MCF2L: variants seen among roughly 807,000 people sequenced by gnomAD.
The protein encoded by MCF2L is MCF.2 cell line derived transforming sequence like.
In MCF2L, 97 loss-of-function variants were observed where a neutral mutation model predicts 153.4. The observed-to-expected ratio is 0.63, with a 90% confidence interval of 0.54 to 0.75. MCF2L has a LOEUF of 0.75. Ranked by LOEUF, MCF2L falls within the 30% of genes least tolerant of loss-of-function variation. The pLI, the probability that MCF2L is intolerant of heterozygous loss-of-function variation, is 0.00. For synonymous variants in MCF2L, 659 were observed against 632.2 expected (o/e 1.04, Z -0.64); for missense variants, 1,347 against 1,495.2 (o/e 0.90, Z 1.64).
intron 3 of MCF2L, among the ~76,000 whole-genome samples, chr13:113,036,636 C>T (rs968569981): frequency 5.3e-5 from 8 of 152,258 alleles, no homozygotes; most frequent in Non-Finnish European, 1.0e-4. Flanking sequence ...CCCCGCATCC[C>T]CAGGAGTGCG....
chr13:112,940,088 G>C (rs956817286), intron 2 of MCF2L, among the ~76,000 whole-genome samples: 2 of 152,090 alleles, frequency 1.3e-5, no homozygotes, highest in Admixed American at 6.5e-5. Flanking sequence ...TTATACAACG[G>C]GGGGTGGGGG....
At chr13:113,077,784 C>T (rs543436384) in intron 13 of MCF2L, among the ~76,000 whole-genome samples, 15 of 152,316 alleles carry the variant, frequency 9.8e-5, no homozygotes, top group South Asian at 6.2e-4. Flanking sequence ...TGTCTCAAAA[C>T]GAACCCTCTT....
At chr13:113,095,370 C>T in intron 27 of MCF2L, 1 of 1,131,762 alleles carries the variant, frequency 8.8e-7, no homozygotes, top group Non-Finnish European at 1.1e-6. Context: ...CCCACAGAGA[C>T]AGCATGAAGG....
At chr13:113,090,735 G>T (rs553901484) in intron 26 of MCF2L, 2 of 985,352 alleles carry the variant, frequency 2.0e-6, no homozygotes, top group African/African-American at 1.7e-5. Context: ...CGTGGACAAG[G>T]GCTCTTTCCA....
rs1475852786 is a variant in MCF2L at position 113,028,868 on chromosome 13, G to A, written c.278+4110G>A. Among the ~76,000 whole-genome samples the A allele has an allele frequency of 6.6e-6, 1 of 151,268 alleles. No individual in the cohort carries two copies. Among genetic ancestry groups the A allele is most frequent in the Non-Finnish European group, 1.5e-5 (1 of 67,776 alleles). On this transcript the variant is annotated intron_variant, in intron 3 of 29. Coordinates refer to ENST00000535094, the MANE Select transcript of MCF2L (RefSeq NM_001112732.3). The surrounding 1 kb of genome is among the most constrained non-coding windows in gnomAD (Gnocchi z 5.4). ...GTGTGGTGTGTGTGGCGTGTGCGGG[G>A]TGTGTGTGGGGTATGTGTGGTGTGT...
intron 3 of MCF2L, among the ~76,000 whole-genome samples, chr13:113,032,964 T>TGAGTGGACCCTGTGAC (rs2085822001): frequency 7.6e-6 from 1 of 132,214 alleles, no homozygotes; most frequent in African/African-American, 2.8e-5. Context: ...GACCCCGTGA[T>TGAGTGGACCCTGTGAC]GTGAGTGGAC....
chr13:112,909,051 C>T lies in MCF2L; in HGVS notation c.169+6680C>T, dbSNP rs555865706. ...TGCTTATGTTTATCCATGCTGCTCTCGGCTTTGCCGAGGGGATGATCTGGG... is the reference window on the plus strand; with the variant it reads ...TGCTTATGTTTATCCATGCTGCTCTTGGCTTTGCCGAGGGGATGATCTGGG... On this transcript the variant is annotated intron_variant, in intron 2 of 29. Coordinates refer to the MCF2L transcript ENST00000375608. Among the ~76,000 whole-genome samples, 9 of 152,302 alleles carry T rather than the reference C, an allele frequency of 5.9e-5. No homozygotes were observed. The South Asian group carries it at 8.3e-4, about 14-fold the overall frequency.
At chr13:113,023,317 C>T (rs1392308427) in intron 2 of MCF2L, among the ~76,000 whole-genome samples, 1 of 152,224 alleles carries the variant, frequency 6.6e-6, no homozygotes, top group Non-Finnish European at 1.5e-5. Context: ...GGGGTGCCGA[C>T]AAGGACTCGG....
intron 2 of MCF2L, among the ~76,000 whole-genome samples, chr13:112,912,452 G>T (rs2081242559): frequency 6.6e-6 from 1 of 152,090 alleles, no homozygotes; most frequent in Admixed American, 6.5e-5. Flanking sequence ...AAGTAGCTGG[G>T]ATTACAAGCG....
Position 113,012,796 on chromosome 13 carries a change from CGG to C in MCF2L, c.80-1966_80-1965del, listed in dbSNP as rs1453954114. The stretch of plus-strand genomic sequence containing the variant: ...GGTGTGGACGGTGGACACTGTGATG[CGG>C]ACGGTGGACAGGCGGTGTGGACGGT... On this transcript the variant is annotated intron_variant, in intron 1 of 29. Transcript: ENST00000535094. Among the ~76,000 whole-genome samples, 26 of 89,858 alleles carry C rather than the reference CGG, an allele frequency of 2.9e-4. 3 individuals are homozygous for C. Among genetic ancestry groups the C allele is most frequent in the African/African-American group, 9.7e-4 (23 of 23,634 alleles). 59.0% of individuals were successfully genotyped at this position (89,858 alleles called of 152,430 possible). A position where few individuals can be genotyped will look rare whatever the true frequency, so the allele number is the denominator to read the frequency against.
chr13:112,980,818 T>C (rs926779994), intron 1 of MCF2L, among the ~76,000 whole-genome samples: 1 of 152,282 alleles, frequency 6.6e-6, no homozygotes, highest in African/African-American at 2.4e-5. Flanking sequence ...CACAGCACCG[T>C]GTGAGGGAGG....
intron 2 of MCF2L, among the ~76,000 whole-genome samples, chr13:112,945,797 T>C (rs2081630981): frequency 3.3e-5 from 5 of 152,212 alleles, no homozygotes; most frequent in Admixed American, 2.6e-4. Context: ...AAAGCAATAA[T>C]TGGGTTGGCA....
chr13:112,935,172 C>A (rs12429753), intron 2 of MCF2L, among the ~76,000 whole-genome samples: 4,408 of 152,284 alleles, frequency 0.029, 143 homozygotes, highest in East Asian at 0.15. Flanking sequence ...AAGCAATGTA[C>A]ATTCACTAGA....
intron 2 of MCF2L, among the ~76,000 whole-genome samples, chr13:112,903,337 T>C (rs1180313239): frequency 1.3e-5 from 2 of 152,228 alleles, no homozygotes; most frequent in Non-Finnish European, 2.9e-5. Flanking sequence ...CAAGGCATCA[T>C]TCTGAGACTT....
intron 2 of MCF2L, among the ~76,000 whole-genome samples, chr13:112,911,764 C>T (rs558008497): frequency 1.3e-5 from 2 of 152,368 alleles, no homozygotes; most frequent in African/African-American, 4.8e-5. Context: ...CGATTTCTTC[C>T]GTCTTCCTCT....
chr13:113,059,122 T>C (rs933178995), intron 4 of MCF2L, among the ~76,000 whole-genome samples: 12 of 152,228 alleles, frequency 7.9e-5, no homozygotes, highest in African/African-American at 2.7e-4. Context: ...CAGCCACTTA[T>C]GTTGCAATCC....
chr13:113,083,992 G>A lies in MCF2L; in HGVS notation c.1992-6G>A, dbSNP rs1259811993. On this transcript the variant is annotated splice_region_variant and splice_polypyrimidine_tract_variant and intron_variant, in intron 17 of 29. Coordinates refer to ENST00000535094, the MANE Select transcript of MCF2L (RefSeq NM_001112732.3). ...TTCATACTACTTAAAAACCTTCTTT[G>A]TCTAGGATATTCCTCAGGGAGCTGG... 2 of 1,612,174 alleles carry A rather than the reference G, an allele frequency of 1.2e-6. No individual in the cohort carries two copies. The highest frequency in any genetic ancestry group is 2.7e-5 in the African/African-American group (2 of 74,866).
rs1243686082 is a variant in MCF2L at position 112,943,404 on chromosome 13, G to T, written c.169+41033G>T. 7.3e-6 allele frequency among the ~76,000 whole-genome samples: 1 copy of T among 136,440 alleles called. No homozygotes were observed. The highest frequency in any genetic ancestry group is 2.1e-4 in the East Asian group (1 of 4,706). 89.5% of individuals were successfully genotyped at this position (136,440 alleles called of 152,430 possible). On this transcript the variant is annotated intron_variant, in intron 2 of 29. Transcript: ENST00000375608. This position sits in a 1 kb window ranked among gnomAD's most constrained non-coding sequence, Gnocchi z 4.2. ...AGCTCCCGGTCCCCGGCTCCGCGCCGCAGGCGTGAACGCCCAACGGAGGGC... is the reference window on the plus strand; with the variant it reads ...AGCTCCCGGTCCCCGGCTCCGCGCCTCAGGCGTGAACGCCCAACGGAGGGC...
intron 1 of MCF2L, among the ~76,000 whole-genome samples, chr13:113,008,101 G>T (rs781592304): frequency 6.6e-6 from 1 of 152,044 alleles, no homozygotes; most frequent in Non-Finnish European, 1.5e-5. Context: ...ATCTTTAGTA[G>T]GGAGGGGGTT....
Sources: gnomAD v4.1 joint callset for allele counts (sites outside exome capture counted in the v4.1 genomes callset) on GRCh38, gnomAD v4.1.1 for gene constraint, Gnocchi (gnomAD v3.1) non-coding constraint, MANE v1.5 for transcripts, NCBI Gene and HGNC (gene_info 2026-07-23, HGNC 2026-07-21) for gene names.